FAXC: variants seen among roughly 807,000 people sequenced by gnomAD.
The protein encoded by FAXC is failed axon connections homolog.
FAXC carries 10 observed loss-of-function variants against 41.9 expected under a neutral mutation model. The observed-to-expected ratio is 0.24, with a 90% CI of 0.15 to 0.41. The LOEUF is 0.41. Ranked by LOEUF, FAXC falls within the 10% of genes least tolerant of loss-of-function variation. The pLI is 1.00. For synonymous variants in FAXC, 183 were observed against 183.8 expected, an observed-to-expected ratio of 1.00 and a Z score of 0.03; for missense variants, 399 against 510.9, an observed-to-expected ratio of 0.78 and a Z score of 2.11.
intron 4 of FAXC, among the ~76,000 whole-genome samples, chr6:99,319,150 C>T (rs1479498126): frequency 2.6e-5 from 4 of 152,152 alleles, no homozygotes; most frequent in Admixed American, 6.5e-5. Flanking sequence ...GTAATCCCAG[C>T]ACTTTGGGAG....
chr6:99,289,385 T>TCC (rs1771145332), intron 5 of FAXC, among the ~76,000 whole-genome samples: 1 of 152,146 alleles, frequency 6.6e-6, no homozygotes, highest in South Asian at 2.1e-4. Context: ...GCACAGTGGT[T>TCC]CATACCTGTT....
intron 3 of FAXC, among the ~76,000 whole-genome samples, chr6:99,324,539 T>C (rs1356709293): frequency 6.6e-6 from 1 of 152,328 alleles, no homozygotes; most frequent in Non-Finnish European, 1.5e-5. Flanking sequence ...CTGAATCCTT[T>C]TTCCCGTCTA....
intron 3 of FAXC, among the ~76,000 whole-genome samples, chr6:99,327,982 G>A (rs1772878107): frequency 6.6e-6 from 1 of 152,160 alleles, no homozygotes; most frequent in South Asian, 2.1e-4. Context: ...TTGCTCCAAT[G>A]TATACAAAGA....
chr6:99,302,206 C>T (rs1166067978), intron 4 of FAXC, among the ~76,000 whole-genome samples: 1 of 152,198 alleles, frequency 6.6e-6, no homozygotes, highest in African/African-American at 2.4e-5. Flanking sequence ...CCACATGGAC[C>T]TCTCCATAGA....
At position 99,349,163 on chromosome 6, in the gene FAXC, G is replaced by A. The variant is rs1368465914; in HGVS notation, c.210C>T (p.Thr70=). The A allele has an allele frequency of 3.7e-6, 6 of 1,613,704 alleles. No homozygotes were observed. The highest frequency in any genetic ancestry group is 5.1e-6 in the Non-Finnish European group (6 of 1,180,024). Reference sequence around the variant, plus strand: ...CAGCTGCGGCCAGCAAAGCTCCCCCGGTCAAGTAAAGGGTTTTCTTCCACC... The same window carrying A: ...CAGCTGCGGCCAGCAAAGCTCCCCCAGTCAAGTAAAGGGTTTTCTTCCACC... ...DPWWKKTLYL[T]GGALLAAAAY... Residue 70 remains threonine, a synonymous_variant, in exon 1 of 6, where the codon ACC becomes ACT. Transcript: ENST00000389677.
chr6:99,292,893 A>G (rs221583), intron 4 of FAXC, among the ~76,000 whole-genome samples: 8,051 of 151,982 alleles, frequency 0.053, 235 homozygotes, highest in Non-Finnish European at 0.06. Context: ...TGCAAGCTCC[A>G]CCTCCCAGGT....
chr6:99,296,170 A>G (rs568325319), intron 4 of FAXC, among the ~76,000 whole-genome samples: 1 of 152,318 alleles, frequency 6.6e-6, no homozygotes, highest in African/African-American at 2.4e-5. Flanking sequence ...AAACATTTTT[A>G]AAAGGAAATC....
chr6:99,285,439 A>C (rs1770998133), intron 5 of FAXC, among the ~76,000 whole-genome samples: 1 of 152,220 alleles, frequency 6.6e-6, no homozygotes. Flanking sequence ...GTATAGTATA[A>C]TTCCATTTAG....
At chr6:99,282,565 T>C (rs1048850870) in intron 5 of FAXC, among the ~76,000 whole-genome samples, 1 of 152,196 alleles carries the variant, frequency 6.6e-6, no homozygotes, top group Admixed American at 6.5e-5. Flanking sequence ...ACTATTACTG[T>C]CTAGGCATTT....
intron 5 of FAXC, among the ~76,000 whole-genome samples, chr6:99,290,515 G>C (rs12203758): frequency 6.6e-6 from 1 of 151,630 alleles, no homozygotes; most frequent in Non-Finnish European, 1.5e-5. Flanking sequence ...CAGCCTGACC[G>C]ACATGGCAAA....
intron 2 of FAXC, among the ~76,000 whole-genome samples, chr6:99,336,069 A>G (rs1773206203): frequency 2.0e-5 from 3 of 152,176 alleles, no homozygotes; most frequent in South Asian, 2.1e-4. Flanking sequence ...ATGTGGTCGT[A>G]TAATTTTTAA....
At chr6:99,346,569 T>TC (rs1171555202) in intron 1 of FAXC, among the ~76,000 whole-genome samples, 2 of 136,642 alleles carry the variant, frequency 1.5e-5, no homozygotes, top group Admixed American at 1.5e-4. Flanking sequence ...TTGTGGGGTT[T>TC]TTTTGTTTGT....
chr6:99,338,912 C>T (rs948575283), intron 2 of FAXC, among the ~76,000 whole-genome samples: 1 of 152,196 alleles, frequency 6.6e-6, no homozygotes, highest in African/African-American at 2.4e-5. Context: ...ACTTCCTGTT[C>T]CCAAACATCC....
chr6:99,343,132 T>C, intron 1 of FAXC, 99 bp from the exon 2 acceptor site: 3 of 1,068,686 alleles, frequency 2.8e-6, no homozygotes, highest in South Asian at 3.4e-5. Flanking sequence ...AGCTCCTCAA[T>C]GAACAAGCAG....
At chr6:99,304,310 A>G (rs934038315) in intron 4 of FAXC, among the ~76,000 whole-genome samples, 2 of 151,798 alleles carry the variant, frequency 1.3e-5, no homozygotes, top group Admixed American at 1.3e-4. Context: ...TAAATAAAAT[A>G]ATTTAAAAAA....
At position 99,271,906 on chromosome 6, in the gene FAXC, T is replaced by G. The variant is rs973442941; in HGVS notation, c.*9258A>C. ...GAAACATCCTGCATGTCTCTATAGATCTTGACATGCCTATAGGCCCAGCTA... is the reference window on the plus strand; with the variant it reads ...GAAACATCCTGCATGTCTCTATAGAGCTTGACATGCCTATAGGCCCAGCTA... On this transcript the variant is annotated 3_prime_UTR_variant, in exon 6 of 6. Coordinates refer to ENST00000389677, the MANE Select transcript of FAXC (RefSeq NM_032511.4). 1 of 152,190 alleles carries G rather than the reference T, an allele frequency of 6.6e-6. No individual in the cohort carries two copies. Among genetic ancestry groups the G allele is most frequent in the African/African-American group, 2.4e-5 (1 of 41,456 alleles). The allele number at this position is 152,190 out of a possible 1,614,324, so 9.4% of individuals were successfully genotyped here.
intron 4 of FAXC, among the ~76,000 whole-genome samples, chr6:99,313,831 G>T (rs1179337626): frequency 1.3e-5 from 2 of 152,046 alleles, no homozygotes; most frequent in Non-Finnish European, 2.9e-5. Context: ...CACTGATCAC[G>T]GCTGCCTTTA....
At chr6:99,325,546 C>A (rs78326064) in intron 3 of FAXC, among the ~76,000 whole-genome samples, 2,042 of 152,300 alleles carry the variant, frequency 0.013, 48 homozygotes, top group African/African-American at 0.046. Context: ...ATAGTCGGAG[C>A]ATTCCATTGA....
At chr6:99,305,843 T>C (rs935040021) in intron 4 of FAXC, among the ~76,000 whole-genome samples, 1 of 152,094 alleles carries the variant, frequency 6.6e-6, no homozygotes, top group Non-Finnish European at 1.5e-5. Flanking sequence ...TCAATATTAA[T>C]CAATATTATT....
Sources: allele counts gnomAD v4.1 joint callset (sites outside exome capture counted in the v4.1 genomes callset), GRCh38; gene constraint gnomAD v4.1.1; transcripts MANE v1.5; gene names NCBI Gene and HGNC (gene_info 2026-07-23, HGNC 2026-07-21).